Variants in MTAP observed in about 807,000 individuals in gnomAD.
MTAP encodes methylthioadenosine phosphorylase.
MTAP carries 33 observed loss-of-function variants against 33.6 expected under a neutral mutation model. The ratio of observed to expected loss-of-function variants is 0.98; its 90% CI spans 0.74 to 1.31. The LOEUF (loss-of-function observed/expected upper bound fraction) is 1.31. Ranked by LOEUF, MTAP falls within the 40% of genes most tolerant of loss-of-function variation. MTAP has a pLI of 0.00. For synonymous variants in MTAP, 148 were observed against 125.7 expected (o/e 1.18, Z -1.19); for missense variants, 367 against 360.0 (o/e 1.02, Z -0.16).
intron 1 of MTAP, among the ~76,000 whole-genome samples, chr9:21,894,942 A>T (rs954435587): frequency 4.6e-5 from 7 of 152,190 alleles, no homozygotes; most frequent in Admixed American, 3.3e-4. Context: ...CACGAAAAGA[A>T]TAAAATACCT....
At chr9:21,828,390 C>G (rs556849691) in intron 4 of MTAP, among the ~76,000 whole-genome samples, 4 of 152,108 alleles carry the variant, frequency 2.6e-5, no homozygotes, top group Non-Finnish European at 5.9e-5. Context: ...AGAAGGATCC[C>G]TGGCAGGGTG....
chr9:21,923,978 A>T (rs562844178), intron 1 of MTAP, among the ~76,000 whole-genome samples: 1 of 152,212 alleles, frequency 6.6e-6, no homozygotes, highest in Non-Finnish European at 1.5e-5. Context: ...CACAGAACAG[A>T]TTACCATTAG....
chr9:21,850,453 G>C (rs942116988), intron 5 of MTAP, among the ~76,000 whole-genome samples: 1 of 152,208 alleles, frequency 6.6e-6, no homozygotes, highest in African/African-American at 2.4e-5. Flanking sequence ...TCCAGAACAG[G>C]AGAAGGCTCT....
At chr9:21,920,532 A>G (rs1818772623) in intron 1 of MTAP, among the ~76,000 whole-genome samples, 1 of 152,118 alleles carries the variant, frequency 6.6e-6, no homozygotes, top group Non-Finnish European at 1.5e-5. Context: ...CCCAGATTTT[A>G]CCAACAAAAA....
In MTAP at chr9:21,818,187, A is replaced by G. The variant is rs1399781130; in HGVS notation, c.332A>G (p.Asp111Gly). Reference sequence around the variant, plus strand: ...CAGCCCGGCGATATTGTCATTATTGATCAGTTCATTGACAGGTAAGCAGTC... The same window carrying G: ...CAGCCCGGCGATATTGTCATTATTGGTCAGTTCATTGACAGGTAAGCAGTC... ...EIQPGDIVII[D>G]QFIDRTTMRP... The change falls in exon 4 of 8, where the codon GAT becomes GGT. Residue 111 changes from aspartate to glycine, a missense_variant. By Grantham distance (94) the Asp-to-Gly change is moderately conservative. Coordinates refer to ENST00000644715, the MANE Select transcript of MTAP (RefSeq NM_002451.4). 6.2e-7 allele frequency: 1 copy of G among 1,613,712 alleles called. No homozygotes were observed. The highest frequency in any genetic ancestry group is 1.7e-5 in the Admixed American group (1 of 59,968).
In MTAP at chr9:21,865,854, C is replaced by G; in HGVS notation, c.*3840C>G. The G allele has an allele frequency of 2.2e-6, 2 of 902,012 alleles. No homozygotes were observed. Among genetic ancestry groups the G allele is most frequent in the Non-Finnish European group, 2.7e-6 (2 of 753,018 alleles). 55.9% of individuals were successfully genotyped at this position (902,012 alleles called of 1,614,324 possible). ...CTGTAGCTTGTGCCTTTTTTATTGC[C>G]TAGTAGTATTCTGTCATATGCCTAT... On this transcript the variant is annotated 3_prime_UTR_variant, in exon 8 of 8. Transcript: ENST00000644715.
chr9:21,851,875 C>T (rs1038984076), intron 5 of MTAP, among the ~76,000 whole-genome samples: 5 of 152,156 alleles, frequency 3.3e-5, no homozygotes, highest in Non-Finnish European at 1.5e-5. Flanking sequence ...CTGGATGCTT[C>T]CTGCCCTCCA....
intron 2 of MTAP, 157 bp downstream of exon 2, chr9:21,815,676 T>A: frequency 1.6e-6 from 1 of 640,492 alleles, no homozygotes. Flanking sequence ...TGCTGTTGGG[T>A]TCCATCAGCT....
At chr9:21,894,442 A>AG (rs937969550) in intron 1 of MTAP, among the ~76,000 whole-genome samples, 7 of 151,916 alleles carry the variant, frequency 4.6e-5, no homozygotes, top group African/African-American at 1.7e-4. Flanking sequence ...GTTTCCAAAT[A>AG]GAAAAAAAAG....
In MTAP at chr9:21,818,266, C is replaced by T. The variant is rs1297154516; in HGVS notation, c.347+64C>T. ...GGTCATTTTCAGCTCAAATGGACGA[C>T]GCGTGGGAACCGGCAGGGCAACTGG... On this transcript the variant is annotated intron_variant, in intron 4 of 7. Coordinates refer to ENST00000644715, the MANE Select transcript of MTAP (RefSeq NM_002451.4). 5.5e-5 allele frequency: 81 copies of T among 1,459,766 alleles called. 1 individual carries two copies. The highest frequency in any genetic ancestry group is 3.1e-4 in the East Asian group (11 of 35,850). The allele number at this position is 1,459,766 out of a possible 1,614,324, so 90.4% of individuals were successfully genotyped here.
chr9:21,802,927 A>G (rs1824092291), intron 1 of MTAP, 146 bp downstream of exon 1: 1 of 1,409,000 alleles, frequency 7.1e-7, no homozygotes, highest in South Asian at 1.5e-5. Context: ...GGCACTCGGG[A>G]CTCACTTGCC....
chr9:21,877,923 G>A (rs528781813), intron 1 of MTAP, among the ~76,000 whole-genome samples: 1 of 152,092 alleles, frequency 6.6e-6, no homozygotes, highest in Non-Finnish European at 1.5e-5. Context: ...AATAGTTTTA[G>A]TAGGACTGGT....
chr9:21,915,933 G>A (rs1329801503), intron 1 of MTAP, among the ~76,000 whole-genome samples: 1 of 151,930 alleles, frequency 6.6e-6, no homozygotes, highest in African/African-American at 2.4e-5. Context: ...TATTTGAGAG[G>A]CTGAGATGGA....
chr9:21,802,823 A>T, intron 1 of MTAP, 42 bp downstream of exon 1: 1 of 1,610,454 alleles, frequency 6.2e-7, no homozygotes, highest in African/African-American at 1.3e-5. Flanking sequence ...GCCCTGCCGG[A>T]TGCCTTCTCG....
intron 1 of MTAP, among the ~76,000 whole-genome samples, chr9:21,803,551 C>T (rs1016585568): frequency 3.3e-5 from 5 of 152,024 alleles, no homozygotes; most frequent in South Asian, 2.1e-4. Context: ...GGTCATTGTG[C>T]GGTGGGAAGC....
chr9:21,846,352 G>A (rs566696545), intron 5 of MTAP, among the ~76,000 whole-genome samples: 66 of 151,352 alleles, frequency 4.4e-4, no homozygotes, highest in East Asian at 2.5e-3. Context: ...GAAAATATTC[G>A]CAAACTATGC....
At chr9:21,849,963 C>T (rs1292590812) in intron 5 of MTAP, among the ~76,000 whole-genome samples, 1 of 152,274 alleles carries the variant, frequency 6.6e-6, no homozygotes, top group African/African-American at 2.4e-5. Flanking sequence ...AATTTGCCTT[C>T]AGCTGGCAAG....
chr9:21,861,882 T>C, intron 7 of MTAP, 94 bp from the exon 8 acceptor site: 1 of 851,902 alleles, frequency 1.2e-6, no homozygotes, highest in Non-Finnish European at 2.0e-6. Flanking sequence ...GTCCTCACTT[T>C]GATCTAGAAA....
At chr9:21,839,021 G>A (rs759584823) in intron 5 of MTAP, among the ~76,000 whole-genome samples, 2 of 152,064 alleles carry the variant, frequency 1.3e-5, no homozygotes, top group Admixed American at 6.5e-5. Flanking sequence ...TAACAGCAAG[G>A]GCACCTAAAC....
Sources: allele counts gnomAD v4.1 joint callset (sites outside exome capture counted in the v4.1 genomes callset), GRCh38; gene constraint gnomAD v4.1.1; transcripts MANE v1.5; gene names NCBI Gene and HGNC (gene_info 2026-07-23, HGNC 2026-07-21).